OR5B3: variants seen among roughly 807,000 people sequenced by gnomAD.
The protein encoded by OR5B3 is olfactory receptor 5B3.
For synonymous variants in OR5B3, 150 were observed against 135.0 expected, an observed-to-expected ratio of 1.11 and a Z score of -0.77; for missense variants, 430 against 375.4, an observed-to-expected ratio of 1.15 and a Z score of -1.20.
rs781174492 is a variant in OR5B3 at position 58,402,668 on chromosome 11, T to C, written c.742A>G (p.Ile248Val). ...ATGAAGATAATAGTCCCATAGAAGA[T>C]GCCGACTGCAATGAAATGAGAGGCA... The part of the protein sequence containing the change: ...TCASHFIAVG[I>V]FYGTIIFMYL... Residue 248 changes from isoleucine to valine, a missense_variant, in exon 2 of 2, where the codon ATC becomes GTC. By Grantham distance (29) the Ile-to-Val change is conservative. Coordinates refer to ENST00000641865, the MANE Select transcript of OR5B3 (RefSeq NM_001005469.2). 9 of 1,613,922 alleles carry C rather than the reference T, an allele frequency of 5.6e-6. No homozygotes were observed. The South Asian group carries it at 8.8e-5, about 16-fold the overall frequency.
At chr11:58,404,824 C>T (rs1040492125) in intron 1 of OR5B3, among the ~76,000 whole-genome samples, 1 of 151,978 alleles carries the variant, frequency 6.6e-6, no homozygotes, top group African/African-American at 2.4e-5. Context: ...GTGGCAAGTT[C>T]CATGTGATAA....
In OR5B3 at chr11:58,403,298, C is replaced by A; in HGVS notation, c.112G>T (p.Val38Phe). The A allele has an allele frequency of 6.2e-7, 1 of 1,613,016 alleles. No homozygotes were observed. The highest frequency in any genetic ancestry group is 1.1e-5 in the South Asian group (1 of 91,068). Residue 38 changes from valine (V) to phenylalanine (F), a missense_variant, in exon 2 of 2, where the codon GTT becomes TTT. By Grantham distance (50) the Val-to-Phe change is conservative. Transcript: ENST00000641865. ...TFPFIYIITL[V>F]GNLGIIVLIF... ...AATACAATAATTCCCAGGTTTCCAA[C>A]CAGAGTGATAATATAGATGAAGGGG... is the stretch of plus-strand genomic sequence containing the variant.
Position 58,402,695 on chromosome 11 carries a change from A to T in OR5B3, c.715T>A (p.Cys239Ser). The T allele has an allele frequency of 6.2e-7, 1 of 1,613,862 alleles. No individual in the cohort carries two copies. ...ASVYQKPLST[C>S]ASHFIAVGIF... ...CCGACTGCAATGAAATGAGAGGCAC[A>T]GGTGGACAAAGGCTTCTGGTATACT... The change falls in exon 2 of 2, where the codon TGT (cysteine) becomes AGT (serine). Residue 239 changes from cysteine to serine, a missense_variant. Coordinates refer to ENST00000641865, the MANE Select transcript of OR5B3 (RefSeq NM_001005469.2).
chr11:58,403,455 G>A lies in OR5B3; in HGVS notation c.-26-20C>T. On this transcript the variant is annotated intron_variant, in intron 1 of 1. Coordinates refer to ENST00000641865, the MANE Select transcript of OR5B3 (RefSeq NM_001005469.2). The stretch of plus-strand genomic sequence containing the variant: ...AGGATGCTTGTAGCAATACAAAAAA[G>A]AACAGTGTGATAAATAAATTGAATT... The A allele has an allele frequency of 1.0e-6, 1 of 955,414 alleles. No homozygotes were observed. The highest frequency in any genetic ancestry group is 1.6e-6 in the Non-Finnish European group (1 of 634,474). The allele number at this position is 955,414 out of a possible 1,614,324, so 59.2% of individuals were successfully genotyped here. A position where few individuals can be genotyped will look rare whatever the true frequency, so the allele number is the denominator to read the frequency against.
rs753370348 is a variant in OR5B3, at chr11:58,402,486, C to A, written c.924G>T (p.Leu308Phe). 10 of 1,607,906 alleles carry A rather than the reference C, an allele frequency of 6.2e-6. No homozygotes were observed. The highest frequency in any genetic ancestry group is 1.7e-4 in the Middle Eastern group (1 of 6,052). ...AATGTTAAACTGACCATCCTACAGA[C>A]AATTTTGCCTTCTCAACAACTTTCT... ...AFKKVVEKAK[L>F]SVGWSV is the part of the protein sequence containing the mutation. Residue 308 changes from leucine (L) to phenylalanine (F), a missense_variant, in exon 2 of 2, where the codon TTG (leucine) becomes TTT (phenylalanine). Transcript: ENST00000641865.
At chr11:58,406,429 G>A (rs1855100802) in intron 1 of OR5B3, among the ~76,000 whole-genome samples, 2 of 151,734 alleles carry the variant, frequency 1.3e-5, no homozygotes, top group Admixed American at 6.6e-5. Context: ...GTCATAGCTC[G>A]TTAATTCATT....
At position 58,402,904 on chromosome 11, in the gene OR5B3, G is replaced by T. The variant is rs138542105; in HGVS notation, c.506C>A (p.Ser169Tyr). The T allele has an allele frequency of 3.1e-5, 50 of 1,613,810 alleles. No homozygotes were observed. Among genetic ancestry groups the T allele is most frequent in the Non-Finnish European group, 3.9e-5 (46 of 1,179,836 alleles). Reference protein sequence around the residue: ...GDTFSLSFCKSNEVHHFFCDI... With the variant: ...GDTFSLSFCKYNEVHHFFCDI... ...ACAGAAAAAGTGATGGACTTCATTG[G>T]ACTTACAGAAAGAGAGACTAAATGT... is the stretch of plus-strand genomic sequence containing the variant. Residue 169 changes from serine (S) to tyrosine (Y), a missense_variant, in exon 2 of 2, where the codon TCC (serine) becomes TAC (tyrosine). Physicochemically the swap from Ser to Tyr is moderately radical, Grantham distance 144. Coordinates refer to ENST00000641865, the MANE Select transcript of OR5B3 (RefSeq NM_001005469.2).
intron 1 of OR5B3, among the ~76,000 whole-genome samples, chr11:58,405,214 CA>C (rs1392226062): frequency 2.0e-5 from 3 of 152,120 alleles, no homozygotes; most frequent in Non-Finnish European, 4.4e-5. Context: ...CACGTTGCTG[CA>C]AAGGACATGA....
At position 58,402,615 on chromosome 11, in the gene OR5B3, G is replaced by A. The variant is rs533738072; in HGVS notation, c.795C>T (p.Ser265=). ...CAGGTGCCATTTTGTCTGTGTCCAT[G>A]GAGTGACTGGAGCTGGGTTGTAAGT... ...FMYLQPSSSH[S]MDTDKMAPVF... is the part of the protein sequence containing the mutation. Residue 265 remains serine, a synonymous_variant, in exon 2 of 2, where the codon TCC becomes TCT. Transcript: ENST00000641865. 1.1e-5 allele frequency: 18 copies of A among 1,613,866 alleles called. No homozygotes were observed. The South Asian group carries it at 1.6e-4, about 15-fold the overall frequency.
rs774550311 is a variant in OR5B3, at chr11:58,402,928, G to A, written c.482C>T (p.Thr161Ile). The change falls in exon 2 of 2, where the codon ACA becomes ATA. Residue 161 changes from threonine (T) to isoleucine (I), a missense_variant. Physicochemically the swap from Thr to Ile is moderately conservative, Grantham distance 89. Transcript: ENST00000641865. Reference sequence around the variant, plus strand: ...GGACTTACAGAAAGAGAGACTAAATGTGTCCCCAGTGTGGATGGAGGCATT... The same window carrying A: ...GGACTTACAGAAAGAGAGACTAAATATGTCCCCAGTGTGGATGGAGGCATT... Reference protein sequence around the residue: ...FLNASIHTGDTFSLSFCKSNE... With the variant: ...FLNASIHTGDIFSLSFCKSNE... 4 of 1,613,816 alleles carry A rather than the reference G, an allele frequency of 2.5e-6. No individual in the cohort carries two copies. In the African/African-American group the frequency reaches 4.0e-5, roughly 16 times the overall value.
At chr11:58,405,578 C>A (rs559552317) in intron 1 of OR5B3, among the ~76,000 whole-genome samples, 51 of 152,222 alleles carry the variant, frequency 3.4e-4, no homozygotes, top group Non-Finnish European at 7.2e-4. Flanking sequence ...TAGAGAACAA[C>A]ACACACTGGG....
chr11:58,404,946 T>C (rs1855081589), intron 1 of OR5B3, among the ~76,000 whole-genome samples: 1 of 152,180 alleles, frequency 6.6e-6, no homozygotes, highest in Admixed American at 6.6e-5. Context: ...ACGTGCAGAT[T>C]TCTTACGTGG....
At position 58,403,004 on chromosome 11, in the gene OR5B3, T is replaced by C. The variant is rs1434628311; in HGVS notation, c.406A>G (p.Thr136Ala). The C allele has an allele frequency of 3.1e-6, 5 of 1,613,950 alleles. No homozygotes were observed. The highest frequency in any genetic ancestry group is 4.2e-6 in the Non-Finnish European group (5 of 1,179,982). The change falls in exon 2 of 2, where the codon ACA becomes GCA. Residue 136 changes from threonine (T) to alanine (A), a missense_variant. By Grantham distance (58) the Thr-to-Ala change is moderately conservative. Transcript: ENST00000641865. ...KPLHYTTTMTTTVCARLAIGS... is the reference protein window; with the variant it reads ...KPLHYTTTMTATVCARLAIGS... ...ATGGCCAGACGAGCACACACAGTTG[T>C]TGTCATGGTTGTGGTGTAATGTAGG... is the stretch of plus-strand genomic sequence containing the variant.
chr11:58,405,426 A>G (rs1173200982), intron 1 of OR5B3, among the ~76,000 whole-genome samples: 1 of 152,212 alleles, frequency 6.6e-6, no homozygotes, highest in African/African-American at 2.4e-5. Context: ...CATAAAAAAG[A>G]ACGAGATCAT....
intron 1 of OR5B3, among the ~76,000 whole-genome samples, chr11:58,403,780 A>G (rs11229415): frequency 0.33 from 49,836 of 151,904 alleles, 8,209 homozygotes; most frequent in Non-Finnish European, 0.36. Context: ...TTGCTAATTT[A>G]CCAAGAACTT....
Position 58,403,276 on chromosome 11 carries a change from A to C in OR5B3, c.134T>G (p.Val45Gly). Residue 45 changes from valine (V) to glycine (G), a missense_variant, in exon 2 of 2, where the codon GTA becomes GGA. By Grantham distance (109) the Val-to-Gly change is moderately radical (BLOSUM62 -3). Transcript: ENST00000641865. ...ITLVGNLGIIVLIFWDSCLHN... is the reference protein window; with the variant it reads ...ITLVGNLGIIGLIFWDSCLHN... ...GAGACAGGAATCCCAGAATATCAATACAATAATTCCCAGGTTTCCAACCAG... is the reference window on the plus strand; with the variant it reads ...GAGACAGGAATCCCAGAATATCAATCCAATAATTCCCAGGTTTCCAACCAG... The C allele has an allele frequency of 6.2e-7, 1 of 1,613,642 alleles. No homozygotes were observed.
intron 1 of OR5B3, among the ~76,000 whole-genome samples, chr11:58,405,901 C>G (rs1397112473): frequency 6.6e-6 from 1 of 152,170 alleles, no homozygotes; most frequent in Non-Finnish European, 1.5e-5. Flanking sequence ...CCATGGAATA[C>G]TACACAGCCA....
intron 1 of OR5B3, among the ~76,000 whole-genome samples, chr11:58,405,235 T>G (rs1855084783): frequency 6.6e-6 from 1 of 152,232 alleles, no homozygotes; most frequent in Non-Finnish European, 1.5e-5. Flanking sequence ...ATTTCATTTT[T>G]TAGGGCTATG....
rs1215229633 is a variant in OR5B3, at chr11:58,403,023, A to C, written c.387T>G (p.His129Gln). ...CAGTTGTTGTCATGGTTGTGGTGTA[A>C]TGTAGGGGTTTGCACACTGCTGCAT... is the stretch of plus-strand genomic sequence containing the variant. ...DRYAAVCKPL[H>Q]YTTTMTTTVC... The change falls in exon 2 of 2, where the codon CAT becomes CAG. Residue 129 changes from histidine to glutamine, a missense_variant. His to Gln is a conservative substitution (Grantham distance 24). Transcript: ENST00000641865. The C allele has an allele frequency of 6.2e-7, 1 of 1,614,064 alleles. No individual in the cohort carries two copies. The highest frequency in any genetic ancestry group is 2.2e-5 in the East Asian group (1 of 44,882).
Sources: allele counts gnomAD v4.1 joint callset (sites outside exome capture counted in the v4.1 genomes callset), GRCh38; gene constraint gnomAD v4.1.1; transcripts MANE v1.5; gene names NCBI Gene and HGNC (gene_info 2026-07-23, HGNC 2026-07-21).